EIF2B3: variants seen among roughly 807,000 people sequenced by gnomAD.
EIF2B3 encodes the protein translation initiation factor eIF2B subunit gamma.
In EIF2B3, 20 loss-of-function variants were observed where a neutral mutation model predicts 54.1. The observed-to-expected ratio is 0.37, with a 90% CI of 0.26 to 0.54. The LOEUF (loss-of-function observed/expected upper bound fraction) is 0.54, where lower values mean the gene tolerates loss of function less well. Among genes scored for constraint, EIF2B3 ranks in the 20% least tolerant of loss-of-function variants. The pLI is 0.86. For synonymous variants in EIF2B3, 153 were observed against 188.1 expected (o/e 0.81, Z 1.52); for missense variants, 448 against 547.8 (o/e 0.82, Z 1.82).
At chr1:44,924,333 G>A (rs1174464810) in intron 5 of EIF2B3, among the ~76,000 whole-genome samples, 1 of 152,122 alleles carries the variant, frequency 6.6e-6, no homozygotes, top group Non-Finnish European at 1.5e-5. Flanking sequence ...TTTCAGTGGT[G>A]TCTATGCCAT....
intron 8 of EIF2B3, 137 bp from the exon 9 acceptor site, chr1:44,875,832 C>T (rs575050585): frequency 8.1e-6 from 6 of 738,850 alleles, no homozygotes; most frequent in South Asian, 7.5e-5. Flanking sequence ...CCTCTGATGC[C>T]GAGCCAAAGC....
rs1281679284 is a variant in EIF2B3, at chr1:44,881,759, A to G, written c.657-20T>C. On this transcript the variant is annotated intron_variant, in intron 6 of 11. Coordinates refer to ENST00000360403, the MANE Select transcript of EIF2B3 (RefSeq NM_020365.5). This position sits in a 1 kb window ranked among gnomAD's most constrained non-coding sequence, Gnocchi z 4.0. The stretch of plus-strand genomic sequence containing the variant: ...ATTGACCTAGAAAGAAAGAATGGCC[A>G]AATATGAGAAACCTGACTGTCTGGA... 1.2e-6 allele frequency: 2 copies of G among 1,613,656 alleles called. No individual in the cohort carries two copies. Among genetic ancestry groups the G allele is most frequent in the South Asian group, 2.2e-5 (2 of 91,062 alleles).
intron 10 of EIF2B3, among the ~76,000 whole-genome samples, chr1:44,870,172 A>G (rs1157950269): frequency 1.9e-5 from 2 of 102,860 alleles, no homozygotes; most frequent in Non-Finnish European, 3.6e-5. Flanking sequence ...ACCCCGTCTC[A>G]AAAAAGAGAG....
intron 10 of EIF2B3, among the ~76,000 whole-genome samples, chr1:44,867,648 G>GT (rs977053985): frequency 1.3e-5 from 2 of 152,016 alleles, no homozygotes; most frequent in African/African-American, 4.8e-5. Flanking sequence ...CAGGTTTGCC[G>GT]TAAGTAATTA....
At chr1:44,859,408 G>A (rs1043431911) in intron 10 of EIF2B3, among the ~76,000 whole-genome samples, 11 of 152,130 alleles carry the variant, frequency 7.2e-5, no homozygotes, top group African/African-American at 2.7e-4. Context: ...TGTAATCCTG[G>A]TACTTTGGGA....
At chr1:44,918,009 A>C (rs972277257) in intron 5 of EIF2B3, among the ~76,000 whole-genome samples, 3 of 147,276 alleles carry the variant, frequency 2.0e-5, no homozygotes, top group Non-Finnish European at 4.5e-5. Flanking sequence ...TCCTGACCTC[A>C]TGATCCACCC....
intron 10 of EIF2B3, among the ~76,000 whole-genome samples, chr1:44,869,579 C>A (rs1573690995): frequency 2.8e-5 from 4 of 143,170 alleles, no homozygotes; most frequent in African/African-American, 7.7e-5. Flanking sequence ...AAATCAGGCA[C>A]AAAGAGGTAA....
At chr1:44,940,532 C>A (rs569124053) in intron 4 of EIF2B3, 1 of 152,214 alleles carries the variant, frequency 6.6e-6, no homozygotes, top group East Asian at 1.9e-4. Flanking sequence ...CTTTGGGAGA[C>A]AGAGGCAGGT....
chr1:44,970,239 A>G (rs1014379878), intron 3 of EIF2B3, among the ~76,000 whole-genome samples: 1 of 152,224 alleles, frequency 6.6e-6, no homozygotes, highest in African/African-American at 2.4e-5. Flanking sequence ...TCCACATATA[A>G]GTAGGACTGC....
At position 44,881,747 on chromosome 1, in the gene EIF2B3, G is replaced by A; in HGVS notation, c.657-8C>T. The A allele has an allele frequency of 6.2e-7, 1 of 1,613,890 alleles. No individual in the cohort carries two copies. Among genetic ancestry groups the A allele is most frequent in the East Asian group, 2.2e-5 (1 of 44,868 alleles). On this transcript the variant is annotated splice_polypyrimidine_tract_variant and splice_region_variant and intron_variant, in intron 6 of 11. Transcript: ENST00000360403. This position sits in a 1 kb window ranked among gnomAD's most constrained non-coding sequence, Gnocchi z 4.0. ...CGGATAGAAGTTATTGACCTAGAAAGAAAGAATGGCCAAATATGAGAAACC... is the reference window on the plus strand; with the variant it reads ...CGGATAGAAGTTATTGACCTAGAAAAAAAGAATGGCCAAATATGAGAAACC...
chr1:44,922,196 G>A (rs1643750721), intron 5 of EIF2B3, among the ~76,000 whole-genome samples: 1 of 151,550 alleles, frequency 6.6e-6, no homozygotes, highest in Admixed American at 6.6e-5. Context: ...TTACAGGCGT[G>A]AGCCACCATG....
chr1:44,894,224 G>A (rs1363580779), intron 6 of EIF2B3, among the ~76,000 whole-genome samples: 2 of 152,146 alleles, frequency 1.3e-5, no homozygotes, highest in Non-Finnish European at 2.9e-5. Context: ...AACACATTTT[G>A]AATTAAAATG....
At chr1:44,944,129 G>A (rs1483725814) in intron 3 of EIF2B3, among the ~76,000 whole-genome samples, 1 of 151,944 alleles carries the variant, frequency 6.6e-6, no homozygotes, top group African/African-American at 2.4e-5. Flanking sequence ...GGGTGACAGA[G>A]CAAGACTCTA....
At chr1:44,857,678 G>C in intron 11 of EIF2B3, 26 bp downstream of exon 11, 2 of 1,608,446 alleles carry the variant, frequency 1.2e-6, no homozygotes, top group Non-Finnish European at 1.7e-6. Context: ...AGTAAAAATG[G>C]AATCTGTGAT....
intron 10 of EIF2B3, among the ~76,000 whole-genome samples, chr1:44,866,397 C>CAAA (rs1426558504): frequency 2.0e-5 from 2 of 101,464 alleles, no homozygotes; most frequent in African/African-American, 3.8e-5. Flanking sequence ...GATTCTGTCT[C>CAAA]AAAAAAAAAA....
chr1:44,913,376 T>C (rs540965101), intron 5 of EIF2B3, among the ~76,000 whole-genome samples: 62 of 152,198 alleles, frequency 4.1e-4, no homozygotes, highest in African/African-American at 1.2e-3. Context: ...TCCTGACCAC[T>C]GTAAGAAACA....
At chr1:44,875,088 T>TATAC (rs1655078818) in intron 9 of EIF2B3, among the ~76,000 whole-genome samples, 1 of 152,166 alleles carries the variant, frequency 6.6e-6, no homozygotes, top group Non-Finnish European at 1.5e-5. Context: ...TGCACTTGTG[T>TATAC]ATACAGATGT....
chr1:44,946,142 A>C (rs566020747), intron 3 of EIF2B3, among the ~76,000 whole-genome samples: 1 of 152,316 alleles, frequency 6.6e-6, no homozygotes, highest in African/African-American at 2.4e-5. Context: ...CAAGGATCAC[A>C]AGGAACAGAC....
chr1:44,918,036 G>A lies in EIF2B3; in HGVS notation c.566+8592C>T, dbSNP rs1411744004. On this transcript the variant is annotated intron_variant, in intron 5 of 11. Transcript: ENST00000360403. ...GATCCACCCGCCTCGGCCTCCCAAA[G>A]TGCTGGGATTACAGGCATGAGCCAC... Among the ~76,000 whole-genome samples the A allele has an allele frequency of 6.2e-5, 9 of 145,240 alleles. No individual in the cohort carries two copies. The Admixed American group carries it at 6.3e-4, about 10-fold the overall frequency.
Sources: allele counts gnomAD v4.1 joint callset (sites outside exome capture counted in the v4.1 genomes callset), GRCh38; gene constraint gnomAD v4.1.1; non-coding constraint Gnocchi (gnomAD v3.1); transcripts MANE v1.5; gene names NCBI Gene and HGNC (gene_info 2026-07-23, HGNC 2026-07-21).